USP40: variants seen among roughly 807,000 people sequenced by gnomAD.
USP40 encodes ubiquitin specific peptidase 40.
Under a neutral mutation model 166.2 loss-of-function variants are expected in USP40, and 143 were observed. The ratio of observed to expected loss-of-function variants is 0.86; its 90% confidence interval spans 0.75 to 0.99. The LOEUF is 0.99. Ranked by LOEUF, USP40 falls within the 50% of genes least tolerant of loss-of-function variation. The pLI, the probability that USP40 is intolerant of heterozygous loss-of-function variation, is 0.00. For synonymous variants in USP40, 498 were observed against 524.0 expected, an observed-to-expected ratio of 0.95 and a Z score of 0.68; for missense variants, 1,444 against 1,479.7, an observed-to-expected ratio of 0.98 and a Z score of 0.40.
At position 233,485,629 on chromosome 2, in the gene USP40, A is replaced by G. The variant is rs772241874; in HGVS notation, c.3409-3T>C. On this transcript the variant is annotated splice_polypyrimidine_tract_variant and splice_region_variant and intron_variant, in intron 29 of 31. Coordinates refer to ENST00000678225, the MANE Select transcript of USP40 (RefSeq NM_001365479.2). ...TTCCTCTTGGTTATTTGTTGGTTCT[A>G]TGGGAAAATCAAACATCTTAAATAA... 1.1e-5 allele frequency: 18 copies of G among 1,611,646 alleles called. No homozygotes were observed. Among genetic ancestry groups the G allele is most frequent in the Non-Finnish European group, 1.4e-5 (17 of 1,179,002 alleles).
Position 233,565,431 on chromosome 2 carries a change from C to G in USP40, c.124G>C (p.Gly42Arg). Reference sequence around the variant, plus strand: ...CAGGTTCCACCCTGATTTCTGATTCCGCTTAAATTGGTGAATTCTCTAGGA... The same window carrying G: ...CAGGTTCCACCCTGATTTCTGATTCGGCTTAAATTGGTGAATTCTCTAGGA... Reference protein sequence around the residue: ...PAPREFTNLSGIRNQGGTCYL... With the variant: ...PAPREFTNLSRIRNQGGTCYL... Residue 42 changes from glycine to arginine, a missense_variant, in exon 2 of 32, where the codon GGA (glycine) becomes CGA (arginine). By Grantham distance (125) the Gly-to-Arg change is moderately radical. Transcript: ENST00000678225. 1 of 1,537,220 alleles carries G rather than the reference C, an allele frequency of 6.5e-7. No homozygotes were observed. The highest frequency in any genetic ancestry group is 8.7e-7 in the Non-Finnish European group (1 of 1,146,848).
Position 233,475,779 on chromosome 2 carries a change from T to A in USP40, c.*1613A>T, listed in dbSNP as rs1355343229. ...TTTCAGCGATTTCATTAATATTTCATTACGCTGAGATGAGATGAAGGCAGA... is the reference window on the plus strand; with the variant it reads ...TTTCAGCGATTTCATTAATATTTCAATACGCTGAGATGAGATGAAGGCAGA... On this transcript the variant is annotated 3_prime_UTR_variant, in exon 32 of 32. Coordinates refer to ENST00000678225, the MANE Select transcript of USP40 (RefSeq NM_001365479.2). 6.6e-6 allele frequency: 1 copy of A among 152,394 alleles called. No individual in the cohort carries two copies. Among genetic ancestry groups the A allele is most frequent in the Admixed American group, 6.5e-5 (1 of 15,290 alleles). 9.4% of individuals were successfully genotyped at this position (152,394 alleles called of 1,614,324 possible). A position where few individuals can be genotyped will look rare whatever the true frequency, so the allele number is the denominator to read the frequency against.
intron 30 of USP40, among the ~76,000 whole-genome samples, chr2:233,482,839 T>C (rs775551240): frequency 2.6e-5 from 4 of 152,276 alleles, no homozygotes; most frequent in Middle Eastern, 3.4e-3. Context: ...TGGCCATGTG[T>C]GTGGGAGTTC....
At chr2:233,506,740 C>CAAAAAAAAAAAAA (rs1227656570) in intron 21 of USP40, among the ~76,000 whole-genome samples, 3 of 53,844 alleles carry the variant, frequency 5.6e-5, no homozygotes, top group African/African-American at 1.5e-4. Context: ...ACCGAAAATA[C>CAAAAAAAAAAAAA]AAAAAAAAAA....
chr2:233,511,152 G>A (rs1402637747), intron 20 of USP40, among the ~76,000 whole-genome samples: 1 of 152,142 alleles, frequency 6.6e-6, no homozygotes, highest in Non-Finnish European at 1.5e-5. Flanking sequence ...TGATTAGCTG[G>A]GTATGGCTTC....
Position 233,503,950 on chromosome 2 carries a change from CA to C in USP40, c.2614-4036del, listed in dbSNP as rs535341411. On this transcript the variant is annotated intron_variant, in intron 21 of 31. Transcript: ENST00000678225. ...GGTTTAAAGTCAAAATAGCCAAAAA[CA>C]ACAACAGTTACTATTAGTGGCTAAG... 4.6e-5 allele frequency among the ~76,000 whole-genome samples: 7 copies of C among 152,112 alleles called. No individual in the cohort carries two copies. In the South Asian group the frequency reaches 1.5e-3, roughly 32 times the overall value.
At chr2:233,479,577 T>G (rs994978880) in intron 31 of USP40, among the ~76,000 whole-genome samples, 1 of 146,190 alleles carries the variant, frequency 6.8e-6, no homozygotes, top group African/African-American at 2.7e-5. Context: ...AAAAAAAAAA[T>G]TTGGAAAACA....
chr2:233,563,759 A>G (rs1484595864), intron 2 of USP40, among the ~76,000 whole-genome samples: 3 of 152,168 alleles, frequency 2.0e-5, no homozygotes, highest in Non-Finnish European at 4.4e-5. Flanking sequence ...AGTCACCATC[A>G]GGATTCAGGC....
In USP40 at chr2:233,489,346, C is replaced by A; in HGVS notation, c.3131+19G>T. ...TCAGCAGCAGAGAGGGACAGTGTTG[C>A]GTCCAGCAAGGAACCTACCTGAGTG... On this transcript the variant is annotated intron_variant, in intron 27 of 31. Coordinates refer to ENST00000678225, the MANE Select transcript of USP40 (RefSeq NM_001365479.2). 3.2e-6 allele frequency: 5 copies of A among 1,560,944 alleles called. No individual in the cohort carries two copies. Among genetic ancestry groups the A allele is most frequent in the Non-Finnish European group, 4.3e-6 (5 of 1,150,142 alleles).
chr2:233,520,263 G>A (rs1390796764), intron 17 of USP40, among the ~76,000 whole-genome samples: 4 of 152,064 alleles, frequency 2.6e-5, no homozygotes. Context: ...GTGAAAAGAA[G>A]AAACAGAGTG....
intron 7 of USP40, among the ~76,000 whole-genome samples, chr2:233,550,168 A>C (rs1400415218): frequency 6.6e-6 from 1 of 152,074 alleles, no homozygotes; most frequent in African/African-American, 2.4e-5. Context: ...TATTTGCTTA[A>C]AATATTAAAC....
intron 12 of USP40, among the ~76,000 whole-genome samples, chr2:233,529,054 C>T (rs72982328): frequency 2.4e-4 from 36 of 152,282 alleles, no homozygotes; most frequent in Admixed American, 5.2e-4. Flanking sequence ...CATGCCAGTT[C>T]GCTACAACTA....
Position 233,485,694 on chromosome 2 carries a change from C to T in USP40, c.3409-68G>A. The T allele has an allele frequency of 1.9e-6, 3 of 1,601,606 alleles. No individual in the cohort carries two copies. In the South Asian group the frequency reaches 3.3e-5, roughly 18 times the overall value. On this transcript the variant is annotated intron_variant, in intron 29 of 31. Transcript: ENST00000678225. ...CAAGTTCTCACTAACTTCTCTATCA[C>T]TGTGAAAAATTGCATAACCTCATTG...
chr2:233,480,164 C>G lies in USP40; in HGVS notation c.3599+1039G>C, dbSNP rs1388857392. Reference sequence around the variant, plus strand: ...ACCTGGGACCTCTCTTCCCCAGACGCCCCCAGTGGCAGAGGGCATGCAGTC... The same window carrying G: ...ACCTGGGACCTCTCTTCCCCAGACGGCCCCAGTGGCAGAGGGCATGCAGTC... On this transcript the variant is annotated intron_variant, in intron 31 of 31. Coordinates refer to ENST00000678225, the MANE Select transcript of USP40 (RefSeq NM_001365479.2). The surrounding 1 kb of genome is among the most constrained non-coding windows in gnomAD (Gnocchi z 4.5). Among the ~76,000 whole-genome samples the G allele has an allele frequency of 6.6e-6, 1 of 152,208 alleles. No homozygotes were observed. Among genetic ancestry groups the G allele is most frequent in the African/African-American group, 2.4e-5 (1 of 41,456 alleles).
At chr2:233,551,605 C>G in intron 6 of USP40, 86 bp from the exon 7 acceptor site, 1 of 1,273,998 alleles carries the variant, frequency 7.8e-7, no homozygotes, top group Non-Finnish European at 1.1e-6. Context: ...GAAAAAACAA[C>G]CTATGACACA....
intron 13 of USP40, 25 bp downstream of exon 13, chr2:233,527,382 T>C (rs1315594119): frequency 6.2e-7 from 1 of 1,607,794 alleles, no homozygotes; most frequent in East Asian, 2.2e-5. Context: ...GATGTCTGAA[T>C]TAAGAGGAAG....
chr2:233,500,002 T>C (rs779255994), intron 21 of USP40, 87 bp from the exon 22 acceptor site: 44 of 1,095,006 alleles, frequency 4.0e-5, no homozygotes, highest in African/African-American at 9.5e-5. Context: ...CCTAGGCCTA[T>C]TTAAGTCTGA....
At chr2:233,521,182 G>T in intron 16 of USP40, 68 bp from the exon 17 acceptor site, 1 of 1,521,098 alleles carries the variant, frequency 6.6e-7, no homozygotes, top group Non-Finnish European at 8.8e-7. Flanking sequence ...AACTCTGCAT[G>T]TGTCACTTAA....
At chr2:233,497,230 G>A (rs927527459) in intron 23 of USP40, among the ~76,000 whole-genome samples, 1 of 152,280 alleles carries the variant, frequency 6.6e-6, no homozygotes, top group Non-Finnish European at 1.5e-5. Context: ...TTTTGGTAAA[G>A]CGCTAAAGCC....
Sources: allele counts gnomAD v4.1 joint callset (sites outside exome capture counted in the v4.1 genomes callset), GRCh38; gene constraint gnomAD v4.1.1; non-coding constraint Gnocchi (gnomAD v3.1); transcripts MANE v1.5; gene names NCBI Gene and HGNC (gene_info 2026-07-23, HGNC 2026-07-21).